The following MCF2L variants were observed in gnomAD, a reference collection of about 807,000 sequenced individuals.
MCF2L encodes the protein MCF.2 cell line derived transforming sequence like, also known as guanine nucleotide exchange factor DBS.
A neutral mutation model predicts 153.4 loss-of-function variants in MCF2L; 97 were observed. The ratio of observed to expected loss-of-function variants is 0.63; its 90% CI spans 0.54 to 0.75. The LOEUF (loss-of-function observed/expected upper bound fraction) is 0.75, where lower values mean the gene tolerates loss of function less well. Among genes scored for constraint, MCF2L ranks in the 30% least tolerant of loss-of-function variants. The probability of loss-of-function intolerance (pLI) is 0.00; values close to 1 mark genes in which losing one functional copy is unlikely to be tolerated. For synonymous variants in MCF2L, 659 were observed against 632.2 expected, an observed-to-expected ratio of 1.04 and a Z score of -0.64; for missense variants, 1,347 against 1,495.2, an observed-to-expected ratio of 0.90 and a Z score of 1.64.
intron 2 of MCF2L, among the ~76,000 whole-genome samples, chr13:113,019,577 TG>T (rs1037057369): frequency 3.9e-5 from 6 of 152,236 alleles, no homozygotes; most frequent in Non-Finnish European, 8.8e-5. Flanking sequence ...CCGTTAGGTT[TG>T]GGCAGAGTCG....
intron 3 of MCF2L, 112 bp downstream of exon 3, chr13:113,024,870 T>G: frequency 1.2e-6 from 1 of 836,292 alleles, no homozygotes; most frequent in South Asian, 1.5e-5. Flanking sequence ...CCTGTGAGAT[T>G]TCCCTGTCAT....
In MCF2L at chr13:112,993,123, C is replaced by T. The variant is rs1395649264; in HGVS notation, c.80-21640C>T. 4.6e-5 allele frequency among the ~76,000 whole-genome samples: 7 copies of T among 152,322 alleles called. No individual in the cohort carries two copies. Among genetic ancestry groups the T allele is most frequent in the Non-Finnish European group, 2.9e-5 (2 of 68,014 alleles). On this transcript the variant is annotated intron_variant, in intron 1 of 29. Coordinates refer to ENST00000535094, the MANE Select transcript of MCF2L (RefSeq NM_001112732.3). The surrounding 1 kb of genome is among the most constrained non-coding windows in gnomAD (Gnocchi z 4.6). Reference sequence around the variant, plus strand: ...TAAGCCAGAGATTACCACGCGCTGCCGCGGAGGGAGAGGTAGCGCGGGGCA... The same window carrying T: ...TAAGCCAGAGATTACCACGCGCTGCTGCGGAGGGAGAGGTAGCGCGGGGCA...
At chr13:112,992,921 G>C (rs756763594) in intron 1 of MCF2L, among the ~76,000 whole-genome samples, 9 of 152,240 alleles carry the variant, frequency 5.9e-5, no homozygotes, top group Admixed American at 3.3e-4. Flanking sequence ...CATCTCGTAA[G>C]GGTGTCTACA....
chr13:112,937,419 A>G (rs11164129), intron 2 of MCF2L, among the ~76,000 whole-genome samples: 28,669 of 152,250 alleles, frequency 0.19, 2,778 homozygotes, highest in South Asian at 0.23. Context: ...TTTTCTTAAT[A>G]TATTGTTTAT....
chr13:112,914,041 G>C (rs995997143), intron 2 of MCF2L, among the ~76,000 whole-genome samples: 1 of 152,120 alleles, frequency 6.6e-6, no homozygotes, highest in Admixed American at 6.6e-5. Flanking sequence ...CTCCCCCTGT[G>C]AGCCAGCCTG....
intron 2 of MCF2L, among the ~76,000 whole-genome samples, chr13:112,912,604 C>T (rs766206460): frequency 2.0e-5 from 3 of 152,196 alleles, no homozygotes; most frequent in Non-Finnish European, 4.4e-5. Flanking sequence ...GGTGTGAGTC[C>T]ACCATGCCTG....
chr13:113,052,202 A>C lies in MCF2L; in HGVS notation c.369+6841A>C, dbSNP rs530944775. On this transcript the variant is annotated intron_variant, in intron 4 of 29. Transcript: ENST00000535094. The stretch of plus-strand genomic sequence containing the variant: ...AGATACAATCATGATTTGTCAGTTA[A>C]ATGTAGAAACATTTTTTTAAAAAGA... Among the ~76,000 whole-genome samples the C allele has an allele frequency of 1.6e-3, 251 of 152,314 alleles. 2 individuals are homozygous for C. Among genetic ancestry groups the C allele is most frequent in the African/African-American group, 5.9e-3 (246 of 41,564 alleles).
Position 113,096,607 on chromosome 13 carries a change from C to G in MCF2L, c.3246C>G (p.Ser1082=), listed in dbSNP as rs759648859. ...KEGWVPASSL[S]VRLGPSGSAQ... is the part of the protein sequence containing the mutation. ...GCTGGGTGCCGGCCAGCAGCCTGTC[C>G]GTCCGGCTCGGCCCGTCCGGCTCGG... The change falls in exon 29 of 30, where the codon TCC becomes TCG. Residue 1082 remains serine (S), a synonymous_variant. Coordinates refer to ENST00000535094, the MANE Select transcript of MCF2L (RefSeq NM_001112732.3). The G allele has an allele frequency of 6.6e-5, 106 of 1,600,696 alleles. No individual in the cohort carries two copies. Among genetic ancestry groups the G allele is most frequent in the Non-Finnish European group, 8.7e-5 (103 of 1,177,596 alleles).
intron 1 of MCF2L, among the ~76,000 whole-genome samples, chr13:112,998,119 C>T (rs115909296): frequency 3.9e-5 from 6 of 152,328 alleles, no homozygotes; most frequent in African/African-American, 1.4e-4. Flanking sequence ...TCCTGTGTTC[C>T]GAACCCCGTG....
At position 112,969,338 on chromosome 13, in the gene MCF2L, G is replaced by C; in HGVS notation, c.-42G>C. On this transcript the variant is annotated 5_prime_UTR_variant, in exon 1 of 30. Transcript: ENST00000535094. This position sits in a 1 kb window ranked among gnomAD's most constrained non-coding sequence, Gnocchi z 4.8. ...CCCACCCGCAGGCGCCCCCCGTGCG[G>C]AGGAAGCGGATCTGCCAGGATCATT... is the stretch of plus-strand genomic sequence containing the variant. The C allele has an allele frequency of 6.5e-7, 1 of 1,548,190 alleles. No homozygotes were observed. Among genetic ancestry groups the C allele is most frequent in the Non-Finnish European group, 8.7e-7 (1 of 1,145,510 alleles).
At chr13:112,979,537 C>T (rs1252331968) in intron 1 of MCF2L, 7 of 1,509,290 alleles carry the variant, frequency 4.6e-6, no homozygotes, top group East Asian at 4.9e-5. Flanking sequence ...ATGCGGCACC[C>T]GCCCGGCTTT....
At chr13:112,909,962 A>G (rs2081214180) in intron 2 of MCF2L, 2 of 152,274 alleles carry the variant, frequency 1.3e-5, no homozygotes, top group Admixed American at 6.5e-5. Flanking sequence ...AGATTTTACT[A>G]CCTGAACCTT....
At position 113,085,240 on chromosome 13, in the gene MCF2L, G is replaced by A. The variant is rs532291086; in HGVS notation, c.2247+62G>A. ...CACCTGCTGGCCAGGTGTCTGTGCCGCCCTGGGGCCCCGTCCCCATCGCGC... is the reference window on the plus strand; with the variant it reads ...CACCTGCTGGCCAGGTGTCTGTGCCACCCTGGGGCCCCGTCCCCATCGCGC... On this transcript the variant is annotated intron_variant, in intron 20 of 29. Transcript: ENST00000535094. The A allele has an allele frequency of 1.2e-4, 180 of 1,498,996 alleles. 1 individual carries two copies. In the East Asian group the frequency reaches 3.3e-3, roughly 28 times the overall value. 92.9% of individuals were successfully genotyped at this position (1,498,996 alleles called of 1,614,324 possible). A position where few individuals can be genotyped will look rare whatever the true frequency, so the allele number is the denominator to read the frequency against.
At chr13:112,903,647 C>T (rs978231935) in intron 2 of MCF2L, among the ~76,000 whole-genome samples, 2 of 152,192 alleles carry the variant, frequency 1.3e-5, no homozygotes, top group Non-Finnish European at 2.9e-5. Context: ...TCACCCCAGT[C>T]AGGGTATGTG....
intron 2 of MCF2L, among the ~76,000 whole-genome samples, chr13:113,015,194 TG>T (rs1050913648): frequency 6.6e-6 from 1 of 152,196 alleles, no homozygotes; most frequent in Non-Finnish European, 1.5e-5. Flanking sequence ...CTGCTGCATC[TG>T]GGCACCTCCC....
At chr13:113,008,402 C>T (rs1358806202) in intron 1 of MCF2L, among the ~76,000 whole-genome samples, 1 of 152,236 alleles carries the variant, frequency 6.6e-6, no homozygotes, top group South Asian at 2.1e-4. Flanking sequence ...GGAGTCCCAC[C>T]TCTGCGGGCA....
intron 3 of MCF2L, chr13:113,044,522 C>A: frequency 9.4e-7 from 1 of 1,062,780 alleles, no homozygotes; most frequent in Non-Finnish European, 1.4e-6. Flanking sequence ...CTAGCCCCTG[C>A]CTTAGGCATG....
At chr13:113,088,738 GT>G (rs1384901756) in intron 25 of MCF2L, 110 bp downstream of exon 25, 2 of 1,180,858 alleles carry the variant, frequency 1.7e-6, no homozygotes, top group Non-Finnish European at 2.4e-6. Context: ...GGTTATTGGG[GT>G]TTTCCTTGAG....
intron 2 of MCF2L, among the ~76,000 whole-genome samples, chr13:112,935,536 C>T (rs552332244): frequency 1.3e-5 from 2 of 152,258 alleles, no homozygotes; most frequent in East Asian, 3.9e-4. Flanking sequence ...GGAATACAGG[C>T]GTGAGCCACC....
Sources: allele counts gnomAD v4.1 joint callset (sites outside exome capture counted in the v4.1 genomes callset), GRCh38; gene constraint gnomAD v4.1.1; non-coding constraint Gnocchi (gnomAD v3.1); transcripts MANE v1.5; gene names NCBI Gene and HGNC (gene_info 2026-07-23, HGNC 2026-07-21).